The following DMRT1 variants were observed in gnomAD, a reference collection of about 807,000 sequenced individuals.
The protein encoded by DMRT1 is doublesex- and mab-3-related transcription factor 1.
In DMRT1, 7 loss-of-function variants were observed where a neutral mutation model predicts 32.3. The ratio of observed to expected loss-of-function variants is 0.22; its 90% confidence interval spans 0.12 to 0.41. DMRT1 has a LOEUF of 0.41. Among genes scored for constraint, DMRT1 ranks in the 10% least tolerant of loss-of-function variants. The probability of loss-of-function intolerance (pLI) is 1.00; values close to 1 mark genes in which losing one functional copy is unlikely to be tolerated. For missense variants in DMRT1, 625 were observed against 500.5 expected (o/e 1.25, Z -2.37); for synonymous variants, 278 against 206.1 (o/e 1.35, Z -2.99).
chr9:925,722 G>A (rs1441378413), intron 4 of DMRT1, among the ~76,000 whole-genome samples: 1 of 152,186 alleles, frequency 6.6e-6, no homozygotes, highest in Non-Finnish European at 1.5e-5. Flanking sequence ...GACAATATCT[G>A]ACCACTCTGT....
intron 2 of DMRT1, among the ~76,000 whole-genome samples, chr9:861,373 C>G (rs578088123): frequency 3.9e-5 from 6 of 152,040 alleles, no homozygotes; most frequent in Admixed American, 1.3e-4. Context: ...TCAGAGAGCA[C>G]GGGGTTGGGG....
At chr9:882,751 C>T (rs1251809386) in intron 2 of DMRT1, among the ~76,000 whole-genome samples, 1 of 150,024 alleles carries the variant, frequency 6.7e-6, no homozygotes, top group Non-Finnish European at 1.5e-5. Context: ...GCCCCCGTCT[C>T]CCCTGAATCT....
intron 2 of DMRT1, among the ~76,000 whole-genome samples, chr9:892,024 C>T (rs1347170110): frequency 6.6e-6 from 1 of 152,146 alleles, no homozygotes; most frequent in South Asian, 2.1e-4. Flanking sequence ...AGGCCATTCA[C>T]TGGAGTCATC....
intron 2 of DMRT1, among the ~76,000 whole-genome samples, chr9:858,616 G>T (rs906026468): frequency 6.6e-6 from 1 of 152,094 alleles, no homozygotes; most frequent in African/African-American, 2.4e-5. Flanking sequence ...GCTCACGCCT[G>T]TAATCCCAGC....
chr9:868,603 G>T (rs1816095775), intron 2 of DMRT1, among the ~76,000 whole-genome samples: 1 of 152,200 alleles, frequency 6.6e-6, no homozygotes, highest in East Asian at 1.9e-4. Context: ...TTGGGCCATT[G>T]TACCTCCTGG....
At chr9:883,806 A>AT (rs1452760020) in intron 2 of DMRT1, among the ~76,000 whole-genome samples, 2 of 150,682 alleles carry the variant, frequency 1.3e-5, no homozygotes, top group East Asian at 1.9e-4. Context: ...AAAAAAAAAA[A>AT]TGGGGAAAAC....
chr9:896,103 G>T (rs56785457), intron 3 of DMRT1, among the ~76,000 whole-genome samples: 1 of 151,170 alleles, frequency 6.6e-6, no homozygotes, highest in African/African-American at 2.4e-5. Context: ...ACTCCCAGCC[G>T]TAATTGAAAC....
intron 4 of DMRT1, among the ~76,000 whole-genome samples, chr9:932,264 T>A (rs1425761525): frequency 6.6e-6 from 1 of 152,212 alleles, no homozygotes; most frequent in Non-Finnish European, 1.5e-5. Context: ...CTTAAACAGT[T>A]TAACTCTGAT....
intron 4 of DMRT1, among the ~76,000 whole-genome samples, chr9:928,291 T>C (rs748626826): frequency 1.3e-5 from 2 of 152,204 alleles, no homozygotes; most frequent in African/African-American, 2.4e-5. Context: ...ACACATATTT[T>C]AAAATTCTCT....
chr9:856,218 C>T (rs1444833954), intron 2 of DMRT1, among the ~76,000 whole-genome samples: 3 of 152,122 alleles, frequency 2.0e-5, no homozygotes, highest in African/African-American at 7.2e-5. Flanking sequence ...CGCCCGGTGA[C>T]CTCTGAATTT....
At chr9:848,059 A>T (rs1838980266) in intron 2 of DMRT1, among the ~76,000 whole-genome samples, 1 of 152,240 alleles carries the variant, frequency 6.6e-6, no homozygotes, top group East Asian at 1.9e-4. Context: ...TGGCAATTAG[A>T]TACACATACT....
At chr9:842,312 G>A (rs1838723548) in intron 1 of DMRT1, 120 bp downstream of exon 1, 3 of 1,296,798 alleles carry the variant, frequency 2.3e-6, no homozygotes, top group South Asian at 1.4e-5. Context: ...TTGGCTCACT[G>A]CAACCTCCGC....
At chr9:940,909 T>C (rs912063888) in intron 4 of DMRT1, among the ~76,000 whole-genome samples, 1 of 152,156 alleles carries the variant, frequency 6.6e-6, no homozygotes, top group Non-Finnish European at 1.5e-5. Context: ...AAAGAAGATA[T>C]AGTAATGGCT....
At chr9:889,252 T>C (rs1443654411) in intron 2 of DMRT1, among the ~76,000 whole-genome samples, 2 of 152,230 alleles carry the variant, frequency 1.3e-5, no homozygotes, top group Admixed American at 6.5e-5. Context: ...AGAATTTTAA[T>C]TGGGAATTTT....
chr9:877,079 C>T (rs916361498), intron 2 of DMRT1, among the ~76,000 whole-genome samples: 5 of 152,130 alleles, frequency 3.3e-5, no homozygotes, highest in African/African-American at 1.2e-4. Flanking sequence ...ATGAAATTAC[C>T]TCCAAGGACT....
intron 2 of DMRT1, among the ~76,000 whole-genome samples, chr9:871,635 C>CT (rs397712370): frequency 2.2e-5 from 3 of 139,040 alleles, no homozygotes; most frequent in East Asian, 2.1e-4. Context: ...GCCACCGCGC[C>CT]GGCTAACTTT....
At chr9:919,898 A>C (rs2129793032) in intron 4 of DMRT1, among the ~76,000 whole-genome samples, 1 of 152,302 alleles carries the variant, frequency 6.6e-6, no homozygotes, top group South Asian at 2.1e-4. Context: ...ACAGGAAGAG[A>C]GGAGTGAAGG....
At chr9:906,981 C>T (rs1282460306) in intron 3 of DMRT1, among the ~76,000 whole-genome samples, 1 of 152,118 alleles carries the variant, frequency 6.6e-6, no homozygotes, top group Admixed American at 6.6e-5. Context: ...CATGAGATAA[C>T]AAGTCTCTAT....
intron 4 of DMRT1, among the ~76,000 whole-genome samples, chr9:944,305 T>C (rs999192725): frequency 3.3e-5 from 5 of 152,194 alleles, no homozygotes; most frequent in African/African-American, 9.7e-5. Context: ...TTTTGAAAGA[T>C]TTCAGTGGAA....
Sources: allele counts gnomAD v4.1 joint callset (sites outside exome capture counted in the v4.1 genomes callset), GRCh38; gene constraint gnomAD v4.1.1; transcripts MANE v1.5; gene names NCBI Gene and HGNC (gene_info 2026-07-23, HGNC 2026-07-21).